ARHGAP17: variants seen among roughly 807,000 people sequenced by gnomAD.
ARHGAP17 encodes rho GTPase-activating protein 17.
A neutral mutation model predicts 99.5 loss-of-function variants in ARHGAP17; 57 were observed. The observed-to-expected ratio is 0.57, with a 90% CI of 0.46 to 0.71. The LOEUF (loss-of-function observed/expected upper bound fraction) is 0.71, where lower values mean the gene tolerates loss of function less well. Among genes scored for constraint, ARHGAP17 ranks in the 30% least tolerant of loss-of-function variants. The pLI, the probability that ARHGAP17 is intolerant of heterozygous loss-of-function variation, is 0.00. For synonymous variants in ARHGAP17, 417 were observed against 429.6 expected, an observed-to-expected ratio of 0.97 and a Z score of 0.36; for missense variants, 1,000 against 1,122.4, an observed-to-expected ratio of 0.89 and a Z score of 1.56.
chr16:24,927,983 A>AT (rs1267549151), intron 19 of ARHGAP17, among the ~76,000 whole-genome samples: 1 of 152,198 alleles, frequency 6.6e-6, no homozygotes, highest in Non-Finnish European at 1.5e-5. Flanking sequence ...TCTTAATCCC[A>AT]TTAGCCTTAA....
rs115769507 is a variant in ARHGAP17, at chr16:24,966,188, C to T, written c.462-1880G>A. On this transcript the variant is annotated intron_variant, in intron 6 of 19. Transcript: ENST00000289968. ...ATCGCAGGGTGGCCTGCACTCTCAG[C>T]TACACAGGATTCCAATCACACGTAC... Among the ~76,000 whole-genome samples, 579 of 152,344 alleles carry T rather than the reference C, an allele frequency of 3.8e-3. 6 individuals are homozygous for T. Among genetic ancestry groups the T allele is most frequent in the African/African-American group, 0.013 (547 of 41,574 alleles).
chr16:24,928,900 C>T (rs1018712548), intron 19 of ARHGAP17, among the ~76,000 whole-genome samples: 2 of 152,012 alleles, frequency 1.3e-5, no homozygotes, highest in African/African-American at 2.4e-5. Flanking sequence ...GGGTATTTGG[C>T]GGAAGATTTT....
chr16:24,948,587 G>A (rs1366084906), intron 13 of ARHGAP17, among the ~76,000 whole-genome samples: 1 of 152,096 alleles, frequency 6.6e-6, no homozygotes, highest in African/African-American at 2.4e-5. Flanking sequence ...ACACTGAATA[G>A]AGGAAGAGTA....
chr16:24,949,579 G>A, intron 12 of ARHGAP17, 95 bp from the exon 13 acceptor site: 1 of 1,053,750 alleles, frequency 9.5e-7, no homozygotes, highest in South Asian at 1.5e-5. Flanking sequence ...TTTTGACAGA[G>A]AAAGCACAGT....
At chr16:24,974,985 C>T (rs1213641477) in intron 3 of ARHGAP17, among the ~76,000 whole-genome samples, 4 of 151,874 alleles carry the variant, frequency 2.6e-5, no homozygotes, top group South Asian at 2.1e-4. Flanking sequence ...ATCTCTACTA[C>T]GAAAAAAACA....
At chr16:24,943,299 G>GATCT (rs2141195758) in intron 15 of ARHGAP17, among the ~76,000 whole-genome samples, 1 of 152,310 alleles carries the variant, frequency 6.6e-6, no homozygotes, top group East Asian at 1.9e-4. Context: ...AATCTAGCTA[G>GATCT]AGAAACAAGC....
intron 1 of ARHGAP17, among the ~76,000 whole-genome samples, chr16:24,995,015 C>T (rs28630440): frequency 0.032 from 4,862 of 152,264 alleles, 272 homozygotes; most frequent in African/African-American, 0.11. Flanking sequence ...GAAGCAAACA[C>T]GTCCTTCTTC....
intron 19 of ARHGAP17, among the ~76,000 whole-genome samples, chr16:24,922,096 T>C (rs139515648): frequency 6.6e-6 from 1 of 152,356 alleles, no homozygotes; most frequent in African/African-American, 2.4e-5. Context: ...TCTTACATCC[T>C]CAGGCAAAGA....
At chr16:25,012,044 T>C (rs1326966116) in intron 1 of ARHGAP17, among the ~76,000 whole-genome samples, 3 of 152,196 alleles carry the variant, frequency 2.0e-5, no homozygotes, top group African/African-American at 7.2e-5. Context: ...ACGTATCTCC[T>C]GAGCTCCCTC....
intron 19 of ARHGAP17, among the ~76,000 whole-genome samples, chr16:24,923,990 G>A (rs1340421977): frequency 1.3e-5 from 2 of 152,146 alleles, no homozygotes; most frequent in Non-Finnish European, 2.9e-5. Flanking sequence ...TCTCGGTTGT[G>A]AACTCACCCT....
At chr16:24,976,078 C>A (rs909360364) in intron 3 of ARHGAP17, among the ~76,000 whole-genome samples, 1 of 152,216 alleles carries the variant, frequency 6.6e-6, no homozygotes, top group African/African-American at 2.4e-5. Context: ...CGGCACATCC[C>A]ATCTCCTCAC....
intron 18 of ARHGAP17, among the ~76,000 whole-genome samples, chr16:24,934,042 C>G (rs1282258357): frequency 6.6e-6 from 1 of 152,200 alleles, no homozygotes; most frequent in Non-Finnish European, 1.5e-5. Context: ...TGGGGGTCTG[C>G]AACCAAGCAG....
At chr16:24,958,694 G>C (rs771091860) in intron 9 of ARHGAP17, among the ~76,000 whole-genome samples, 4 of 152,260 alleles carry the variant, frequency 2.6e-5, no homozygotes, top group East Asian at 1.9e-4. Context: ...TGGAACTTAG[G>C]GGGAGAAGAA....
At chr16:24,952,793 G>T in intron 11 of ARHGAP17, 138 bp downstream of exon 11, 1 of 704,562 alleles carries the variant, frequency 1.4e-6, no homozygotes, top group Non-Finnish European at 2.5e-6. Flanking sequence ...ATACACTAAG[G>T]AATTGTAGCA....
chr16:25,013,975 T>C (rs542850173), intron 1 of ARHGAP17: 2 of 152,196 alleles, frequency 1.3e-5, no homozygotes, highest in African/African-American at 2.4e-5. Flanking sequence ...AACAGAAAAG[T>C]AGGTTTGTCT....
intron 3 of ARHGAP17, among the ~76,000 whole-genome samples, chr16:24,975,905 T>C (rs2052499592): frequency 6.6e-6 from 1 of 152,154 alleles, no homozygotes; most frequent in Non-Finnish European, 1.5e-5. Context: ...AAGTGGACCT[T>C]GGAAAAGACA....
chr16:24,939,529 G>T lies in ARHGAP17; in HGVS notation c.1559C>A (p.Ser520Tyr). ...RGGTLNRKHISPAFQPPLPPT... is the reference protein window; with the variant it reads ...RGGTLNRKHIYPAFQPPLPPT... ...CGGAAGTGGCGGCTGGAAAGCGGGG[G>T]ATATGTGCTTTCTATTTAGAGTGCC... Residue 520 changes from serine to tyrosine, a missense_variant, in exon 17 of 20, where the codon TCC becomes TAC. Ser to Tyr is a moderately radical substitution (Grantham distance 144). Transcript: ENST00000289968. 1.2e-6 allele frequency: 2 copies of T among 1,609,378 alleles called. No individual in the cohort carries two copies. The highest frequency in any genetic ancestry group is 1.7e-6 in the Non-Finnish European group (2 of 1,178,620).
intron 1 of ARHGAP17, among the ~76,000 whole-genome samples, chr16:25,014,720 C>A (rs2141566104): frequency 6.6e-6 from 1 of 152,350 alleles, no homozygotes; most frequent in Non-Finnish European, 1.5e-5. Context: ...CCATTTCTTG[C>A]CGCCATGCAC....
At chr16:24,923,431 A>C (rs2050764316) in intron 19 of ARHGAP17, among the ~76,000 whole-genome samples, 1 of 152,176 alleles carries the variant, frequency 6.6e-6, no homozygotes, top group Non-Finnish European at 1.5e-5. Context: ...TTCTGAGCAT[A>C]TGCTTGGAGC....
Sources: gnomAD v4.1 joint callset for allele counts (sites outside exome capture counted in the v4.1 genomes callset) on GRCh38, gnomAD v4.1.1 for gene constraint, MANE v1.5 for transcripts, NCBI Gene and HGNC (gene_info 2026-07-23, HGNC 2026-07-21) for gene names.